CYTH1: variants seen among roughly 807,000 people sequenced by gnomAD.
CYTH1 encodes the protein cytohesin-1.
CYTH1 carries 18 observed loss-of-function variants against 61.8 expected under a neutral mutation model. That is an observed-to-expected ratio of 0.29 (90% CI 0.20 to 0.43). The LOEUF is 0.43. Among genes scored for constraint, CYTH1 ranks in the 20% least tolerant of loss-of-function variants. The probability of loss-of-function intolerance (pLI) is 1.00; values close to 1 mark genes in which losing one functional copy is unlikely to be tolerated. For synonymous variants in CYTH1, 174 were observed against 184.3 expected (o/e 0.94, Z 0.45); for missense variants, 336 against 510.5 (o/e 0.66, Z 3.29).
rs1417904297 is a variant in CYTH1 at position 78,760,378 on chromosome 17, TATATATACAC to T, written c.22+21814_22+21823del. Among the ~76,000 whole-genome samples the T allele has an allele frequency of 2.5e-3, 151 of 61,380 alleles. 14 individuals carry two copies. Among genetic ancestry groups the T allele is most frequent in the African/African-American group, 7.5e-3 (115 of 15,240 alleles). 40.3% of individuals were successfully genotyped at this position (61,380 alleles called of 152,430 possible). A position where few individuals can be genotyped will look rare whatever the true frequency, so the allele number is the denominator to read the frequency against. On this transcript the variant is annotated intron_variant, in intron 1 of 13. Coordinates refer to ENST00000446868, the MANE Select transcript of CYTH1 (RefSeq NM_004762.6). The stretch of plus-strand genomic sequence containing the variant: ...GTTTATATATATATATATATATATA[TATATATACAC>T]ACACATACATATATATATGTGTATA...
chr17:78,714,657 C>T (rs959519999), intron 1 of CYTH1, among the ~76,000 whole-genome samples: 5 of 152,120 alleles, frequency 3.3e-5, no homozygotes, highest in Non-Finnish European at 7.4e-5. Context: ...CCTAAGAGAA[C>T]CCTACCCCAA....
chr17:78,702,431 G>A (rs2093020925), intron 4 of CYTH1, 107 bp downstream of exon 4: 11 of 1,260,728 alleles, frequency 8.7e-6, no homozygotes, highest in South Asian at 4.0e-5. Flanking sequence ...TCTACAAAAC[G>A]GCAACATGAA....
chr17:78,689,109 G>C (rs1309532913), intron 11 of CYTH1, among the ~76,000 whole-genome samples: 2 of 152,150 alleles, frequency 1.3e-5, no homozygotes, highest in African/African-American at 4.8e-5. Context: ...TAACGGGCAG[G>C]CCATGCACGG....
At chr17:78,689,836 C>G (rs780604116) in intron 11 of CYTH1, among the ~76,000 whole-genome samples, 1 of 152,140 alleles carries the variant, frequency 6.6e-6, no homozygotes, top group Non-Finnish European at 1.5e-5. Context: ...GAAAAAATAA[C>G]AAGTCCTGTT....
intron 1 of CYTH1, among the ~76,000 whole-genome samples, chr17:78,747,948 A>G (rs1255147770): frequency 2.6e-5 from 4 of 152,186 alleles, no homozygotes; most frequent in African/African-American, 9.7e-5. Context: ...TTGAGCCCCT[A>G]TGCTCGGGTC....
chr17:78,714,392 A>T (rs1356259043), intron 1 of CYTH1, among the ~76,000 whole-genome samples: 1 of 152,222 alleles, frequency 6.6e-6, no homozygotes, highest in East Asian at 1.9e-4. Flanking sequence ...AGAGATTTCA[A>T]CAAATTTCCA....
chr17:78,698,312 G>GT lies in CYTH1; in HGVS notation c.767dup (p.His256GlnfsTer32). 1 of 1,613,596 alleles carries GT rather than the reference G, an allele frequency of 6.2e-7. No individual in the cohort carries two copies. Among genetic ancestry groups the GT allele is most frequent in the South Asian group, 1.1e-5 (1 of 90,914 alleles). ...CTTCTCGGTCTGGATTGAAGAAAGT[G>GT]TGAGTGAGGTCATTCCCGTCGTCTT... On this transcript the variant is annotated frameshift_variant, in exon 9 of 14. Transcript: ENST00000446868. LOFTEE classifies it high-confidence loss of function.
At chr17:78,753,948 T>A (rs959340113) in intron 1 of CYTH1, among the ~76,000 whole-genome samples, 4 of 152,274 alleles carry the variant, frequency 2.6e-5, no homozygotes, top group East Asian at 1.9e-4. Flanking sequence ...ACCCCTTTTT[T>A]AAAATGATTC....
intron 1 of CYTH1, among the ~76,000 whole-genome samples, chr17:78,758,961 G>A (rs1300592501): frequency 2.0e-5 from 3 of 151,926 alleles, no homozygotes; most frequent in East Asian, 1.9e-4. Context: ...CGGCATCCAC[G>A]GAGTTATGGC....
At chr17:78,751,941 G>A (rs1362243845) in intron 1 of CYTH1, among the ~76,000 whole-genome samples, 1 of 152,088 alleles carries the variant, frequency 6.6e-6, no homozygotes, top group African/African-American at 2.4e-5. Flanking sequence ...TCACCATGTT[G>A]GCCAGGCTGG....
At chr17:78,749,658 A>T (rs1428351656) in intron 1 of CYTH1, among the ~76,000 whole-genome samples, 3 of 151,008 alleles carry the variant, frequency 2.0e-5, no homozygotes, top group Admixed American at 6.6e-5. Flanking sequence ...AAATAAAAAT[A>T]AAAAAATAAA....
chr17:78,780,341 C>CA (rs1388800263), intron 1 of CYTH1, among the ~76,000 whole-genome samples: 1 of 151,826 alleles, frequency 6.6e-6, no homozygotes, highest in Non-Finnish European at 1.5e-5. Context: ...TCCCTCTCTA[C>CA]AAAAAGAAAT....
intron 4 of CYTH1, 50 bp downstream of exon 4, chr17:78,702,488 T>TA (rs780506158): frequency 3.1e-5 from 50 of 1,591,256 alleles, no homozygotes; most frequent in Non-Finnish European, 4.0e-5. Flanking sequence ...CTGAGCACTA[T>TA]AAAAAAACCC....
chr17:78,740,005 G>A (rs941381369), intron 1 of CYTH1, among the ~76,000 whole-genome samples: 4 of 152,062 alleles, frequency 2.6e-5, no homozygotes, highest in African/African-American at 7.2e-5. Flanking sequence ...GCGCGATCTC[G>A]GCTCACTGCA....
chr17:78,701,546 A>C, intron 6 of CYTH1, 125 bp downstream of exon 6: 1 of 927,606 alleles, frequency 1.1e-6, no homozygotes, highest in East Asian at 2.4e-5. Context: ...TTCCCTCCAA[A>C]ATACTTCAAA....
At chr17:78,725,917 G>C (rs1359383943) in intron 1 of CYTH1, among the ~76,000 whole-genome samples, 2 of 152,026 alleles carry the variant, frequency 1.3e-5, no homozygotes, top group African/African-American at 2.4e-5. Flanking sequence ...ACACAATCAA[G>C]CTTATGAAAC....
intron 1 of CYTH1, among the ~76,000 whole-genome samples, chr17:78,711,244 A>G (rs1047485174): frequency 6.6e-6 from 1 of 151,294 alleles, no homozygotes; most frequent in Non-Finnish European, 1.5e-5. Context: ...CCTGGGAGAC[A>G]GTACAAGACT....
rs573740923 is a variant in CYTH1 at position 78,702,333 on chromosome 17, A to G, written c.238-93T>C. The G allele has an allele frequency of 3.6e-6, 4 of 1,126,116 alleles. No individual in the cohort carries two copies. In the South Asian group the frequency reaches 5.3e-5, roughly 15 times the overall value. The allele number at this position is 1,126,116 out of a possible 1,614,324, so 69.8% of individuals were successfully genotyped here. ...CACAGGAAGAAATGGGTGTGGGTGC[A>G]CTGGAATATTTAATAAATACTTGCT... is the stretch of plus-strand genomic sequence containing the variant. On this transcript the variant is annotated intron_variant, in intron 4 of 13. Transcript: ENST00000446868.
chr17:78,776,473 A>G (rs1164153235), intron 1 of CYTH1, among the ~76,000 whole-genome samples: 2 of 151,932 alleles, frequency 1.3e-5, no homozygotes, highest in Non-Finnish European at 2.9e-5. Flanking sequence ...CCTGGCCAAC[A>G]TGATGAAACC....
Sources: allele counts gnomAD v4.1 joint callset (sites outside exome capture counted in the v4.1 genomes callset), GRCh38; gene constraint gnomAD v4.1.1; transcripts MANE v1.5; gene names NCBI Gene and HGNC (gene_info 2026-07-23, HGNC 2026-07-21).